DCDC1: variants seen among roughly 807,000 people sequenced by gnomAD.
DCDC1 encodes doublecortin domain-containing protein 1.
In DCDC1, 200 loss-of-function variants were observed where a neutral mutation model predicts 178.3. That is an observed-to-expected ratio of 1.12 (90% confidence interval 1.00 to 1.26). DCDC1 has a LOEUF of 1.26. DCDC1 is among the 50% of genes most tolerant of loss of function. The probability of loss-of-function intolerance (pLI) is 0.00; values close to 1 mark genes in which losing one functional copy is unlikely to be tolerated. For missense variants in DCDC1, 1,983 were observed against 1,749.2 expected (o/e 1.13, Z -2.38); for synonymous variants, 690 against 604.8 (o/e 1.14, Z -2.07).
intron 21 of DCDC1, among the ~76,000 whole-genome samples, chr11:30,942,148 C>T (rs1350256979): frequency 2.0e-5 from 3 of 152,104 alleles, no homozygotes; most frequent in African/African-American, 7.2e-5. Context: ...AATGGAGCAA[C>T]ATGGGGCTGT....
At chr11:31,274,712 T>G (rs941398209) in intron 7 of DCDC1, among the ~76,000 whole-genome samples, 6 of 151,322 alleles carry the variant, frequency 4.0e-5, no homozygotes, top group Admixed American at 3.9e-4. Context: ...TTTTTTTTTT[T>G]TTTTCCGAGA....
At chr11:30,917,086 T>G in intron 25 of DCDC1, 58 bp from the exon 26 acceptor site, 7 of 1,521,868 alleles carry the variant, frequency 4.6e-6, no homozygotes, top group Non-Finnish European at 5.3e-6. Flanking sequence ...TTCACAGAAT[T>G]TTTTTCTGAG....
At chr11:30,952,615 A>T in intron 20 of DCDC1, 47 bp from the exon 21 acceptor site, 3 of 781,832 alleles carry the variant, frequency 3.8e-6, no homozygotes, top group Non-Finnish European at 6.1e-6. Flanking sequence ...AAGGTTAAAT[A>T]TCACTTTAAA....
intron 21 of DCDC1, among the ~76,000 whole-genome samples, chr11:30,947,611 T>C (rs2134444188): frequency 6.6e-6 from 1 of 152,234 alleles, no homozygotes; most frequent in East Asian, 1.9e-4. Flanking sequence ...ATGAAACTAT[T>C]AGAAGAAAAC....
intron 6 of DCDC1, among the ~76,000 whole-genome samples, chr11:31,299,782 G>A (rs1446658457): frequency 6.6e-6 from 1 of 152,108 alleles, no homozygotes; most frequent in African/African-American, 2.4e-5. Flanking sequence ...AACATTTCAG[G>A]TAACTATCAT....
At chr11:30,923,974 T>C (rs1946432213) in intron 23 of DCDC1, among the ~76,000 whole-genome samples, 1 of 152,170 alleles carries the variant, frequency 6.6e-6, no homozygotes, top group Non-Finnish European at 1.5e-5. Context: ...TATTTAATCA[T>C]GTAACTAACT....
At chr11:31,070,602 T>C (rs1239429230) in intron 18 of DCDC1, among the ~76,000 whole-genome samples, 3 of 152,242 alleles carry the variant, frequency 2.0e-5, no homozygotes, top group African/African-American at 7.2e-5. Context: ...TTTGTGACCT[T>C]GGGTAAGTTC....
In DCDC1 at chr11:31,328,168, T is replaced by A. The variant is rs780898890; in HGVS notation, c.113A>T (p.Asp38Val). Residue 38 changes from aspartate to valine, a missense_variant, in exon 3 of 39, where the codon GAT becomes GTT. Physicochemically the swap from Asp to Val is radical, Grantham distance 152. Coordinates refer to ENST00000684477, the MANE Select transcript of DCDC1 (RefSeq NM_001387274.1). ...LQQSSPEGTL[D>V]GNTVNPIYKY... ...GTAAATTGGGTTTACAGTATTCCCA[T>A]CCAAAGTGCCTTCAGGGCTACTTTG... The A allele has an allele frequency of 6.2e-7, 1 of 1,612,588 alleles. No individual in the cohort carries two copies. The highest frequency in any genetic ancestry group is 1.3e-5 in the African/African-American group (1 of 75,046).
intron 9 of DCDC1, among the ~76,000 whole-genome samples, chr11:31,176,004 A>C (rs1967962863): frequency 6.6e-6 from 1 of 152,214 alleles, no homozygotes; most frequent in African/African-American, 2.4e-5. Context: ...AAAGCAAGGA[A>C]ATGTGATATC....
chr11:31,241,688 C>T, intron 8 of DCDC1, 72 bp from the exon 9 acceptor site: 1 of 393,902 alleles, frequency 2.5e-6, no homozygotes. Context: ...GGAACACAGC[C>T]CCAATACCAG....
At chr11:30,932,581 A>T (rs986887414) in intron 21 of DCDC1, among the ~76,000 whole-genome samples, 2 of 152,182 alleles carry the variant, frequency 1.3e-5, no homozygotes, top group African/African-American at 4.8e-5. Context: ...ACCACACAAG[A>T]TACTCTTCCT....
intron 20 of DCDC1, among the ~76,000 whole-genome samples, chr11:30,955,911 G>A (rs1039375592): frequency 2.0e-5 from 3 of 152,170 alleles, no homozygotes; most frequent in African/African-American, 7.2e-5. Context: ...TCAGTGGTTG[G>A]AGAAAAACAC....
chr11:31,055,350 C>T (rs963073706), intron 20 of DCDC1, among the ~76,000 whole-genome samples: 37 of 152,106 alleles, frequency 2.4e-4, no homozygotes, highest in Non-Finnish European at 4.4e-4. Flanking sequence ...TGCATGGATG[C>T]GGTGAACAGG....
chr11:30,924,198 T>C (rs183154097), intron 23 of DCDC1, among the ~76,000 whole-genome samples: 174 of 152,280 alleles, frequency 1.1e-3, no homozygotes, highest in Non-Finnish European at 2.2e-3. Flanking sequence ...CCACAGTGAA[T>C]AGCACAGCAG....
intron 9 of DCDC1, among the ~76,000 whole-genome samples, chr11:31,166,107 A>G (rs186229724): frequency 3.7e-4 from 56 of 152,316 alleles, no homozygotes; most frequent in African/African-American, 1.3e-3. Context: ...ATATAAGTAC[A>G]GGTAGTTTCA....
At chr11:31,283,946 T>C (rs1255031674) in intron 7 of DCDC1, among the ~76,000 whole-genome samples, 1 of 149,288 alleles carries the variant, frequency 6.7e-6, no homozygotes, top group Non-Finnish European at 1.5e-5. Context: ...AGATTCTCTC[T>C]TCTCTCTCTC....
At chr11:30,869,508 A>G (rs926807437) in intron 38 of DCDC1, among the ~76,000 whole-genome samples, 1 of 152,216 alleles carries the variant, frequency 6.6e-6, no homozygotes, top group African/African-American at 2.4e-5. Flanking sequence ...GGCACTGGGA[A>G]CACAATTCTG....
At chr11:31,057,919 G>A (rs771183439) in intron 20 of DCDC1, among the ~76,000 whole-genome samples, 42 of 152,182 alleles carry the variant, frequency 2.8e-4, no homozygotes, top group Admixed American at 8.5e-4. Flanking sequence ...CTCTTTTACC[G>A]TAATGACTTG....
At chr11:30,894,752 G>T (rs1215903170) in intron 34 of DCDC1, among the ~76,000 whole-genome samples, 2 of 152,084 alleles carry the variant, frequency 1.3e-5, no homozygotes, top group Non-Finnish European at 2.9e-5. Flanking sequence ...CATATGTTTT[G>T]TTCTCTTTAC....
Sources: allele counts gnomAD v4.1 joint callset (sites outside exome capture counted in the v4.1 genomes callset), GRCh38; gene constraint gnomAD v4.1.1; transcripts MANE v1.5; gene names NCBI Gene and HGNC (gene_info 2026-07-23, HGNC 2026-07-21).